The following ATP13A4 variants were observed in gnomAD, a reference collection of about 807,000 sequenced individuals.
ATP13A4 encodes probable cation-transporting ATPase 13A4.
Under a neutral mutation model 142.5 loss-of-function variants are expected in ATP13A4, and 114 were observed. The observed-to-expected ratio is 0.80, with a 90% confidence interval of 0.69 to 0.93. The LOEUF is 0.93. Ranked by LOEUF, ATP13A4 falls within the 40% of genes least tolerant of loss-of-function variation. ATP13A4 has a pLI of 0.00. For missense variants in ATP13A4, 1,392 were observed against 1,454.0 expected (o/e 0.96, Z 0.69); for synonymous variants, 488 against 514.8 (o/e 0.95, Z 0.70).
chr3:193,416,750 C>T (rs1197333761), intron 25 of ATP13A4, among the ~76,000 whole-genome samples: 1 of 151,940 alleles, frequency 6.6e-6, no homozygotes, highest in Non-Finnish European at 1.5e-5. Flanking sequence ...AGCAGACCAA[C>T]ATGTACGTTG....
At chr3:193,564,525 T>C (rs1724091114) in intron 2 of ATP13A4, among the ~76,000 whole-genome samples, 1 of 152,208 alleles carries the variant, frequency 6.6e-6, no homozygotes, top group Admixed American at 6.5e-5. Flanking sequence ...AGGTGGAAAC[T>C]GGTGCCTAGT....
At chr3:193,480,894 A>T (rs1479750494) in intron 8 of ATP13A4, among the ~76,000 whole-genome samples, 1 of 152,218 alleles carries the variant, frequency 6.6e-6, no homozygotes, top group African/African-American at 2.4e-5. Flanking sequence ...CCATCAATCT[A>T]TGAGTGGATA....
intron 2 of ATP13A4, among the ~76,000 whole-genome samples, chr3:193,509,290 A>C (rs1387846570): frequency 1.3e-5 from 2 of 152,182 alleles, no homozygotes; most frequent in African/African-American, 4.8e-5. Context: ...GCCTTTCCTA[A>C]GGAGTACTTT....
intron 25 of ATP13A4, among the ~76,000 whole-genome samples, chr3:193,428,073 A>T (rs1319184540): frequency 2.6e-5 from 4 of 152,006 alleles, no homozygotes; most frequent in Non-Finnish European, 4.4e-5. Flanking sequence ...GAATCTACAA[A>T]GAACTCAAAC....
intron 29 of ATP13A4, among the ~76,000 whole-genome samples, chr3:193,404,964 A>G (rs925203926): frequency 6.6e-6 from 1 of 152,214 alleles, no homozygotes; most frequent in Non-Finnish European, 1.5e-5. Flanking sequence ...GGTGGGGGCA[A>G]TTAAAGCTAT....
chr3:193,561,052 G>T (rs1039990492), intron 2 of ATP13A4, among the ~76,000 whole-genome samples: 2 of 152,202 alleles, frequency 1.3e-5, no homozygotes, highest in African/African-American at 4.8e-5. Context: ...CATGGGAAAG[G>T]CTTCTTCACT....
At chr3:193,414,808 G>A in intron 25 of ATP13A4, 58 bp from the exon 26 acceptor site, 1 of 1,533,166 alleles carries the variant, frequency 6.5e-7, no homozygotes, top group Non-Finnish European at 9.0e-7. Flanking sequence ...TTCTTGATCA[G>A]AAGAATGGCA....
chr3:193,576,811 T>C (rs1724407214), intron 2 of ATP13A4, among the ~76,000 whole-genome samples: 1 of 152,130 alleles, frequency 6.6e-6, no homozygotes, highest in African/African-American at 2.4e-5. Flanking sequence ...CATAAAAGCA[T>C]TCTACAGAAT....
intron 2 of ATP13A4, among the ~76,000 whole-genome samples, chr3:193,573,292 C>CATATATATATATTCATAT (rs1724319091): frequency 2.8e-5 from 3 of 107,860 alleles, no homozygotes; most frequent in Admixed American, 9.0e-5. Context: ...TATATATACA[C>CATATATATATATTCATAT]ATATATATAT....
intron 16 of ATP13A4, 151 bp downstream of exon 16, chr3:193,456,849 A>T: frequency 1.0e-6 from 1 of 969,032 alleles, no homozygotes; most frequent in Non-Finnish European, 1.6e-6. Flanking sequence ...TGAGAAAGAC[A>T]CGCTTGGTTT....
At chr3:193,502,895 C>T (rs111561857) in intron 2 of ATP13A4, among the ~76,000 whole-genome samples, 38 of 152,262 alleles carry the variant, frequency 2.5e-4, no homozygotes, top group African/African-American at 8.4e-4. Flanking sequence ...GAGGCTCATT[C>T]GCAGGTAAGA....
At chr3:193,542,494 CA>C (rs778153087) in intron 1 of ATP13A4, among the ~76,000 whole-genome samples, 1,611 of 143,474 alleles carry the variant, frequency 0.011, 8 homozygotes, top group Non-Finnish European at 0.018. Flanking sequence ...ATATGGTACC[CA>C]AAAAAAAAAG....
chr3:193,419,716 C>T (rs564702438), intron 25 of ATP13A4, among the ~76,000 whole-genome samples: 1 of 150,278 alleles, frequency 6.7e-6, no homozygotes, highest in South Asian at 2.1e-4. Flanking sequence ...GACATCCCTT[C>T]CCCCAACAGG....
At chr3:193,451,466 T>C (rs1717272026) in intron 17 of ATP13A4, among the ~76,000 whole-genome samples, 1 of 152,212 alleles carries the variant, frequency 6.6e-6, no homozygotes, top group South Asian at 2.1e-4. Flanking sequence ...TCACTCTCTT[T>C]GGCTGGTAAA....
chr3:193,421,730 C>T (rs1312318189), intron 25 of ATP13A4, among the ~76,000 whole-genome samples: 1 of 149,514 alleles, frequency 6.7e-6, no homozygotes, highest in East Asian at 2.1e-4. Flanking sequence ...GTAAAACAGT[C>T]CATTATAATT....
At chr3:193,535,922 A>T (rs1312444181) in intron 1 of ATP13A4, among the ~76,000 whole-genome samples, 2 of 152,086 alleles carry the variant, frequency 1.3e-5, no homozygotes, top group African/African-American at 2.4e-5. Context: ...AAACTATTAC[A>T]ACTTCACTCA....
chr3:193,490,814 G>A (rs1301275534), intron 6 of ATP13A4, among the ~76,000 whole-genome samples: 2 of 152,152 alleles, frequency 1.3e-5, no homozygotes, highest in African/African-American at 4.8e-5. Flanking sequence ...CCAGAGGACA[G>A]CTAGAGGGCT....
intron 2 of ATP13A4, among the ~76,000 whole-genome samples, chr3:193,561,357 G>T (rs1440054048): frequency 6.6e-6 from 1 of 152,170 alleles, no homozygotes; most frequent in Non-Finnish European, 1.5e-5. Context: ...CAAGGCTGGG[G>T]CTCCACTGGG....
Position 193,433,837 on chromosome 3 carries a change from T to G in ATP13A4, c.2842+8A>C. 6.2e-7 allele frequency: 1 copy of G among 1,609,592 alleles called. No homozygotes were observed. The highest frequency in any genetic ancestry group is 8.5e-7 in the Non-Finnish European group (1 of 1,175,846). Reference sequence around the variant, plus strand: ...CACCTCTGGTAAGAAAGTTTTAAAATGTCTTACTTGTTACACCAATAAGAG... The same window carrying G: ...CACCTCTGGTAAGAAAGTTTTAAAAGGTCTTACTTGTTACACCAATAAGAG... On this transcript the variant is annotated splice_region_variant and intron_variant, in intron 25 of 29. Coordinates refer to ENST00000342695, the MANE Select transcript of ATP13A4 (RefSeq NM_032279.4).
Sources: allele counts gnomAD v4.1 joint callset (sites outside exome capture counted in the v4.1 genomes callset), GRCh38; gene constraint gnomAD v4.1.1; transcripts MANE v1.5; gene names NCBI Gene and HGNC (gene_info 2026-07-23, HGNC 2026-07-21).